OLFM3: variants seen among roughly 807,000 people sequenced by gnomAD.
The protein encoded by OLFM3 is noelin-3.
Under a neutral mutation model 48.6 loss-of-function variants are expected in OLFM3, and 20 were observed. The ratio of observed to expected loss-of-function variants is 0.41; its 90% confidence interval spans 0.29 to 0.60. The LOEUF (loss-of-function observed/expected upper bound fraction) is 0.60. Ranked by LOEUF, OLFM3 falls within the 20% of genes least tolerant of loss-of-function variation. OLFM3 has a pLI of 0.28. For synonymous variants in OLFM3, 222 were observed against 198.1 expected, an observed-to-expected ratio of 1.12 and a Z score of -1.01; for missense variants, 437 against 544.3, an observed-to-expected ratio of 0.80 and a Z score of 1.96.
intron 1 of OLFM3, among the ~76,000 whole-genome samples, chr1:101,876,901 A>T (rs1265335846): frequency 1.3e-5 from 2 of 151,870 alleles, no homozygotes; most frequent in Admixed American, 1.3e-4. Context: ...TGCAATCATC[A>T]TATCTCAATT....
At chr1:101,915,272 G>A (rs1658884870) in intron 1 of OLFM3, among the ~76,000 whole-genome samples, 1 of 151,942 alleles carries the variant, frequency 6.6e-6, no homozygotes, top group Admixed American at 6.6e-5. Context: ...TATTTAACCA[G>A]TGGGAATTAT....
chr1:101,949,394 G>A (rs1341530123), intron 1 of OLFM3, among the ~76,000 whole-genome samples: 2 of 152,106 alleles, frequency 1.3e-5, no homozygotes, highest in African/African-American at 4.8e-5. Flanking sequence ...TCACGTACAT[G>A]CTGAGGTTTC....
rs141307319 is a variant in OLFM3 at position 101,887,251 on chromosome 1, G to A, written c.70-50226C>T. Among the ~76,000 whole-genome samples, 238 of 151,628 alleles carry A rather than the reference G, an allele frequency of 1.6e-3. 1 individual carries two copies. Among genetic ancestry groups the A allele is most frequent in the African/African-American group, 5.3e-3 (220 of 41,438 alleles). The stretch of plus-strand genomic sequence containing the variant: ...TGGAAAAAAAAACTTTATTGTGGCA[G>A]AAAGCATAATAAACAGAATAAAAGA... On this transcript the variant is annotated intron_variant, in intron 1 of 5. Coordinates refer to ENST00000370103, the MANE Select transcript of OLFM3 (RefSeq NM_058170.4).
chr1:101,835,305 A>G (rs1279966041), intron 2 of OLFM3, among the ~76,000 whole-genome samples: 2 of 152,230 alleles, frequency 1.3e-5, no homozygotes, highest in Non-Finnish European at 2.9e-5. Flanking sequence ...AAATAAAAAA[A>G]TCAACTTTGG....
intron 1 of OLFM3, among the ~76,000 whole-genome samples, chr1:101,961,909 C>A (rs2101084677): frequency 6.6e-6 from 1 of 152,272 alleles, no homozygotes; most frequent in East Asian, 1.9e-4. Context: ...CAGGGTTCAG[C>A]TACTTAGCTT....
intron 1 of OLFM3, among the ~76,000 whole-genome samples, chr1:101,979,818 TG>T (rs1441063622): frequency 1.3e-5 from 2 of 151,100 alleles, no homozygotes; most frequent in South Asian, 4.2e-4. Flanking sequence ...CCCAACGGCT[TG>T]TACTGTGCAC....
rs546968376 is a variant in OLFM3, at chr1:101,813,020, T to C, written c.593-6838A>G. The C allele has an allele frequency of 1.5e-5, 18 of 1,190,840 alleles. No individual in the cohort carries two copies. The East Asian group carries it at 1.1e-3, about 71-fold the overall frequency. The allele number at this position is 1,190,840 out of a possible 1,614,324, so 73.8% of individuals were successfully genotyped here. On this transcript the variant is annotated intron_variant, in intron 4 of 5. Coordinates refer to ENST00000370103, the MANE Select transcript of OLFM3 (RefSeq NM_058170.4). ...TGAACTTATTTTGTACCAGAACTAT[T>C]CTAGGTGCTGAGAATACAAAGGTGA...
chr1:101,907,425 C>A (rs759891002), intron 1 of OLFM3, among the ~76,000 whole-genome samples: 3 of 152,186 alleles, frequency 2.0e-5, no homozygotes, highest in Admixed American at 1.3e-4. Context: ...CTCACTCCTG[C>A]TGACAGCTTG....
intron 1 of OLFM3, among the ~76,000 whole-genome samples, chr1:101,970,389 A>T (rs1022816673): frequency 1.3e-5 from 2 of 152,230 alleles, no homozygotes; most frequent in Non-Finnish European, 2.9e-5. Flanking sequence ...TTTCAAGTAG[A>T]GAATGGGGAA....
intron 1 of OLFM3, among the ~76,000 whole-genome samples, chr1:101,968,095 C>A (rs1660669974): frequency 6.6e-6 from 1 of 152,154 alleles, no homozygotes; most frequent in Non-Finnish European, 1.5e-5. Flanking sequence ...GCAGCTGAGG[C>A]AACAAAACGA....
intron 2 of OLFM3, among the ~76,000 whole-genome samples, chr1:101,834,633 C>T (rs1176247343): frequency 6.6e-6 from 1 of 152,176 alleles, no homozygotes; most frequent in Non-Finnish European, 1.5e-5. Flanking sequence ...AAAGAGTGCA[C>T]ACAATTTACG....
chr1:101,891,755 G>T (rs549582593), intron 1 of OLFM3, among the ~76,000 whole-genome samples: 1 of 152,014 alleles, frequency 6.6e-6, no homozygotes, highest in Admixed American at 6.6e-5. Flanking sequence ...TATATGCAAA[G>T]CTATCTACAT....
At chr1:101,843,153 C>G (rs375444190) in intron 1 of OLFM3, among the ~76,000 whole-genome samples, 1 of 152,256 alleles carries the variant, frequency 6.6e-6, no homozygotes, top group South Asian at 2.1e-4. Context: ...TTTTATAGAA[C>G]TTTAAATTGA....
chr1:101,913,470 C>G (rs959977799), intron 1 of OLFM3, among the ~76,000 whole-genome samples: 1 of 152,156 alleles, frequency 6.6e-6, no homozygotes. Flanking sequence ...ATAACCTTAG[C>G]TTATGAGTGG....
chr1:101,804,330 T>C lies in OLFM3; in HGVS notation c.1285A>G (p.Arg429Gly). The C allele has an allele frequency of 6.8e-6, 11 of 1,611,114 alleles. No individual in the cohort carries two copies. Among genetic ancestry groups the C allele is most frequent in the Non-Finnish European group, 8.5e-6 (10 of 1,177,754 alleles). ...FHISMLDYNA[R>G]DRALYAWNNG... ...TTCCAGGCATAGAGAGCTCGATCTC[T>C]TGCATTGTAGTCAAGCATGGATATG... Residue 429 changes from arginine to glycine, a missense_variant, in exon 6 of 6, where the codon AGA (arginine) becomes GGA (glycine). Physicochemically the swap from Arg to Gly is moderately radical, Grantham distance 125. Coordinates refer to ENST00000370103, the MANE Select transcript of OLFM3 (RefSeq NM_058170.4). The surrounding 1 kb of genome is among the most constrained non-coding windows in gnomAD (Gnocchi z 4.5).
chr1:101,875,735 G>A (rs17471849), intron 1 of OLFM3, among the ~76,000 whole-genome samples: 1,789 of 151,322 alleles, frequency 0.012, 16 homozygotes, highest in Middle Eastern at 0.024. Context: ...CATATCAAGA[G>A]CTCAAAATAT....
chr1:101,827,819 C>T (rs956038201), intron 3 of OLFM3, among the ~76,000 whole-genome samples: 1 of 152,176 alleles, frequency 6.6e-6, no homozygotes, highest in Non-Finnish European at 1.5e-5. Flanking sequence ...ATAAATTACT[C>T]AACCTCTTTG....
intron 1 of OLFM3, among the ~76,000 whole-genome samples, chr1:101,868,192 G>C (rs1282242669): frequency 6.6e-6 from 1 of 152,154 alleles, no homozygotes; most frequent in Non-Finnish European, 1.5e-5. Context: ...TTGCTGTAAA[G>C]ATACTCAAAA....
At chr1:101,957,243 C>G (rs1276455303) in intron 1 of OLFM3, among the ~76,000 whole-genome samples, 3 of 152,008 alleles carry the variant, frequency 2.0e-5, no homozygotes. Context: ...AGTCTCATAT[C>G]TATATGGCTT....
Sources: gnomAD v4.1 joint callset for allele counts (sites outside exome capture counted in the v4.1 genomes callset) on GRCh38, gnomAD v4.1.1 for gene constraint, Gnocchi (gnomAD v3.1) non-coding constraint, MANE v1.5 for transcripts, NCBI Gene and HGNC (gene_info 2026-07-23, HGNC 2026-07-21) for gene names.